The following ANK1 variants were observed in gnomAD, a reference collection of about 807,000 sequenced individuals.
ANK1 encodes the protein ankyrin 1.
ANK1 carries 51 observed loss-of-function variants against 210.4 expected under a neutral mutation model. That is an observed-to-expected ratio of 0.24 (90% CI 0.19 to 0.31). The LOEUF (loss-of-function observed/expected upper bound fraction) is 0.31. ANK1 is among the 10% of genes least tolerant of loss of function. The pLI, the probability that ANK1 is intolerant of heterozygous loss-of-function variation, is 1.00. For missense variants in ANK1, 2,051 were observed against 2,504.4 expected, an observed-to-expected ratio of 0.82 and a Z score of 3.86; for synonymous variants, 967 against 1,025.9, an observed-to-expected ratio of 0.94 and a Z score of 1.10.
Position 41,696,501 on chromosome 8 carries a change from C to T in ANK1, c.2822G>A (p.Arg941Gln), listed in dbSNP as rs762859559. The change falls in exon 26 of 43, where the codon CGG becomes CAG. Residue 941 changes from arginine (R) to glutamine (Q), a missense_variant. By Grantham distance (43) the Arg-to-Gln change is conservative. Transcript: ENST00000289734. ...GATGCGGGTGGGCGCTGCGCACGTC[C>T]GTGGCGGGATCACCACTCGCAGGCC... ...HNGLRVVIPP[R>Q]TCAAPTRITC... The T allele has an allele frequency of 7.4e-6, 12 of 1,613,416 alleles. No individual in the cohort carries two copies. In the East Asian group the frequency reaches 1.3e-4, roughly 18 times the overall value.
In ANK1 at chr8:41,805,151, AG is replaced by A. The variant is rs1850748558; in HGVS notation, c.127-47015del. On this transcript the variant is annotated intron_variant, in intron 1 of 42. Transcript: ENST00000265709. ...CTCTTTCTTTCTCTCTCTCTCATAGAGCTCTTTCTCTCTCTCTCTTTCTTTC... is the reference window on the plus strand; with the variant it reads ...CTCTTTCTTTCTCTCTCTCTCATAGACTCTTTCTCTCTCTCTCTTTCTTTC... Among the ~76,000 whole-genome samples the A allele has an allele frequency of 6.2e-5, 9 of 144,764 alleles. No homozygotes were observed. In the South Asian group the frequency reaches 1.9e-3, roughly 31 times the overall value. The allele number at this position is 144,764 out of a possible 152,430, so 95.0% of individuals were successfully genotyped here. A position where few individuals can be genotyped will look rare whatever the true frequency, so the allele number is the denominator to read the frequency against.
chr8:41,654,319 C>G lies in ANK1; in HGVS notation c.*1471G>C, dbSNP rs1426016680. On this transcript the variant is annotated 3_prime_UTR_variant, in exon 43 of 43. Coordinates refer to ENST00000289734, the MANE Select transcript of ANK1 (RefSeq NM_000037.4). ...TCCTGCCTTGACCCAGAGCCTGGCCCCGGCCTCTGGGCGTCCAGGCTCTCC... is the reference window on the plus strand; with the variant it reads ...TCCTGCCTTGACCCAGAGCCTGGCCGCGGCCTCTGGGCGTCCAGGCTCTCC... 6.5e-6 allele frequency: 1 copy of G among 152,710 alleles called. No individual in the cohort carries two copies. The highest frequency in any genetic ancestry group is 1.5e-5 in the Non-Finnish European group (1 of 68,084). 9.5% of individuals were successfully genotyped at this position (152,710 alleles called of 1,614,324 possible).
intron 17 of ANK1, among the ~76,000 whole-genome samples, chr8:41,706,591 C>T (rs967687063): frequency 1.3e-5 from 2 of 152,232 alleles, no homozygotes; most frequent in African/African-American, 4.8e-5. Flanking sequence ...CCATAGTTTG[C>T]TGACTTCTGA....
upstream of ANK1, among the ~76,000 whole-genome samples, chr8:41,800,771 G>A (rs1221297005): frequency 1.3e-5 from 2 of 152,126 alleles, no homozygotes; most frequent in Admixed American, 6.6e-5. Context: ...CTGTCACCAG[G>A]CTGGAGTGCA....
chr8:41,808,967 AT>A (rs1373171000), intron 1 of ANK1, among the ~76,000 whole-genome samples: 1 of 152,176 alleles, frequency 6.6e-6, no homozygotes, highest in Non-Finnish European at 1.5e-5. Context: ...TGTTGTTATT[AT>A]GTTTTAACTT....
At chr8:41,744,810 C>T (rs1283452411) in intron 2 of ANK1, among the ~76,000 whole-genome samples, 1 of 152,206 alleles carries the variant, frequency 6.6e-6, no homozygotes, top group Non-Finnish European at 1.5e-5. Context: ...GCTGGGATTA[C>T]AGGCGTGAGC....
intron 1 of ANK1, among the ~76,000 whole-genome samples, chr8:41,843,091 G>A (rs1487337075): frequency 2.6e-5 from 4 of 152,002 alleles, no homozygotes; most frequent in Non-Finnish European, 4.4e-5. Context: ...CAGGTGATCC[G>A]CCCGCCTCGG....
intron 40 of ANK1, 126 bp downstream of exon 40, chr8:41,663,533 G>A: frequency 1.1e-6 from 1 of 931,368 alleles, no homozygotes; most frequent in Middle Eastern, 3.1e-4. Context: ...CTGAGCACGG[G>A]GGCAGCCAGC....
chr8:41,861,861 C>A (rs953394574), intron 1 of ANK1, among the ~76,000 whole-genome samples: 2 of 152,210 alleles, frequency 1.3e-5, no homozygotes, highest in Non-Finnish European at 2.9e-5. Flanking sequence ...TTTCTGAGCA[C>A]GCCTTCTTAG....
At chr8:41,725,981 G>C (rs1225651237) in intron 5 of ANK1, 35 bp from the exon 6 acceptor site, 1 of 1,604,392 alleles carries the variant, frequency 6.2e-7, no homozygotes, top group Admixed American at 1.7e-5. Flanking sequence ...GCTCTGACTC[G>C]TCTGACGCCA....
chr8:41,857,551 C>T (rs1006999979), intron 1 of ANK1, among the ~76,000 whole-genome samples: 4 of 151,870 alleles, frequency 2.6e-5, no homozygotes, highest in African/African-American at 9.7e-5. Flanking sequence ...CCAGCCTGAC[C>T]AACATGGAGA....
At chr8:41,770,698 G>T (rs186675615) in intron 1 of ANK1, among the ~76,000 whole-genome samples, 2 of 152,320 alleles carry the variant, frequency 1.3e-5, no homozygotes, top group Admixed American at 6.5e-5. Context: ...TAGGGTTGAG[G>T]CTTTGAAAAA....
At chr8:41,825,811 T>C (rs1356906267) in intron 1 of ANK1, among the ~76,000 whole-genome samples, 1 of 152,164 alleles carries the variant, frequency 6.6e-6, no homozygotes, top group Non-Finnish European at 1.5e-5. Flanking sequence ...CGAGATCTGA[T>C]GGTTCTATAA....
At chr8:41,839,942 T>C (rs1808543262) in intron 1 of ANK1, 1 of 152,236 alleles carries the variant, frequency 6.6e-6, no homozygotes, top group Non-Finnish European at 1.5e-5. Context: ...TCATGGAAGA[T>C]GTTACCAATA....
chr8:41,896,656 C>G (rs1172448495), exon 1 of ANK1: 2 of 842,684 alleles, frequency 2.4e-6, no homozygotes, highest in African/African-American at 1.8e-5. Context: ...GTTCCGGACG[C>G]GGAGGGCGAG....
intron 37 of ANK1, among the ~76,000 whole-genome samples, chr8:41,674,068 C>T (rs565177029): frequency 6.6e-6 from 1 of 152,300 alleles, no homozygotes. Flanking sequence ...CATGCAACTG[C>T]CCCCGGGCTG....
chr8:41,896,429 C>T, exon 1 of ANK1: 1 of 1,605,584 alleles, frequency 6.2e-7, no homozygotes, highest in Non-Finnish European at 8.5e-7. Context: ...TCCTGGAGGG[C>T]CTGCGCCTCG....
intron 27 of ANK1, 29 bp downstream of exon 27, chr8:41,695,148 G>T: frequency 1.2e-6 from 2 of 1,613,684 alleles, no homozygotes; most frequent in Non-Finnish European, 1.7e-6. Flanking sequence ...GCAAGGAGGG[G>T]ACCCAGCCCT....
intron 42 of ANK1, among the ~76,000 whole-genome samples, chr8:41,656,507 T>G (rs1042993991): frequency 2.6e-5 from 4 of 152,236 alleles, no homozygotes; most frequent in African/African-American, 9.6e-5. Context: ...CCCACATTCT[T>G]CAGCCTGGGA....
Sources: gnomAD v4.1 joint callset for allele counts (sites outside exome capture counted in the v4.1 genomes callset) on GRCh38, gnomAD v4.1.1 for gene constraint, MANE v1.5 for transcripts, NCBI Gene and HGNC (gene_info 2026-07-23, HGNC 2026-07-21) for gene names.